Variants in TMPRSS12 observed in about 807,000 individuals in gnomAD.
TMPRSS12 encodes the protein transmembrane serine protease 12.
A neutral mutation model predicts 26.0 loss-of-function variants in TMPRSS12; 25 were observed. That is an observed-to-expected ratio of 0.96 (90% CI 0.70 to 1.34). The LOEUF is 1.34. Ranked by LOEUF, TMPRSS12 falls within the 40% of genes most tolerant of loss-of-function variation. TMPRSS12 has a pLI of 0.00. For missense variants in TMPRSS12, 441 were observed against 440.1 expected (o/e 1.00, Z -0.02); for synonymous variants, 150 against 161.7 (o/e 0.93, Z 0.55).
intron 3 of TMPRSS12, among the ~76,000 whole-genome samples, chr12:50,859,271 A>C (rs1937912829): frequency 6.6e-6 from 1 of 150,410 alleles, no homozygotes; most frequent in Non-Finnish European, 1.5e-5. Context: ...GATGGAGTGC[A>C]GTGGCACGAT....
intron 3 of TMPRSS12, among the ~76,000 whole-genome samples, chr12:50,872,619 A>G (rs546571313): frequency 8.3e-6 from 1 of 120,768 alleles, no homozygotes; most frequent in African/African-American, 3.0e-5. Context: ...TATATGACGT[A>G]TATATGTACA....
chr12:50,858,713 C>A, intron 2 of TMPRSS12, 72 bp from the exon 3 acceptor site: 1 of 1,188,470 alleles, frequency 8.4e-7, no homozygotes, highest in Non-Finnish European at 1.1e-6. Flanking sequence ...GAGAAGAAAA[C>A]TAGTGGGAGA....
intron 2 of TMPRSS12, among the ~76,000 whole-genome samples, chr12:50,844,250 G>T (rs1937747221): frequency 6.6e-6 from 1 of 151,900 alleles, no homozygotes; most frequent in African/African-American, 2.4e-5. Flanking sequence ...GAACGTGCAG[G>T]TTTGTTACAT....
At chr12:50,847,166 C>A (rs1247356080) in intron 2 of TMPRSS12, among the ~76,000 whole-genome samples, 2 of 148,222 alleles carry the variant, frequency 1.3e-5, no homozygotes, top group Non-Finnish European at 3.0e-5. Flanking sequence ...TCAGGCCATT[C>A]TCCTGCCTCA....
intron 3 of TMPRSS12, among the ~76,000 whole-genome samples, chr12:50,876,781 G>C (rs1346155634): frequency 7.8e-6 from 1 of 128,802 alleles, no homozygotes; most frequent in Non-Finnish European, 1.6e-5. Context: ...TCCAGCCTGG[G>C]TGACAGATCA....
chr12:50,876,347 A>G lies in TMPRSS12; in HGVS notation c.653-8899A>G, dbSNP rs139290536. 4.6e-5 allele frequency among the ~76,000 whole-genome samples: 7 copies of G among 152,344 alleles called. No homozygotes were observed. The East Asian group carries it at 1.3e-3, about 29-fold the overall frequency. ...TGGAAAGCAGTTTGGAGATTTCTCA[A>G]AGAACTTAAACCAGAATCACCGCTG... On this transcript the variant is annotated intron_variant, in intron 3 of 4. Transcript: ENST00000398458.
intron 3 of TMPRSS12, among the ~76,000 whole-genome samples, chr12:50,873,989 A>G (rs73294456): frequency 0.043 from 6,608 of 152,268 alleles, 493 homozygotes; most frequent in African/African-American, 0.15. Context: ...TTTTAGTAAT[A>G]GCAATAAATT....
At chr12:50,886,219 T>A (rs1938225042) in intron 4 of TMPRSS12, 1 of 152,242 alleles carries the variant, frequency 6.6e-6, no homozygotes. Context: ...AGATACATAA[T>A]GTACAAAATT....
At chr12:50,879,180 TAA>T (rs1938141210) in intron 3 of TMPRSS12, among the ~76,000 whole-genome samples, 2 of 152,278 alleles carry the variant, frequency 1.3e-5, no homozygotes, top group East Asian at 3.9e-4. Context: ...ATCATAGACC[TAA>T]GTATAAGAGC....
chr12:50,882,040 T>TATATATA (rs1008545004), intron 3 of TMPRSS12, among the ~76,000 whole-genome samples: 14 of 124,300 alleles, frequency 1.1e-4, no homozygotes, highest in African/African-American at 4.3e-4. Context: ...TATATATATA[T>TATATATA]ATGTTTATTT....
intron 3 of TMPRSS12, among the ~76,000 whole-genome samples, chr12:50,862,589 G>C (rs981179899): frequency 6.6e-6 from 1 of 151,840 alleles, no homozygotes; most frequent in Non-Finnish European, 1.5e-5. Flanking sequence ...GTGGTGATGC[G>C]ATCTCAGCTC....
At chr12:50,846,414 T>C (rs1937767987) in intron 2 of TMPRSS12, among the ~76,000 whole-genome samples, 1 of 152,178 alleles carries the variant, frequency 6.6e-6, no homozygotes, top group Admixed American at 6.5e-5. Flanking sequence ...CCCCATTAGA[T>C]GGTATTGGCA....
chr12:50,855,964 C>T (rs148938660), intron 2 of TMPRSS12, among the ~76,000 whole-genome samples: 7 of 152,148 alleles, frequency 4.6e-5, no homozygotes, highest in East Asian at 3.9e-4. Flanking sequence ...AACAGAAAAC[C>T]GAATATTACA....
intron 3 of TMPRSS12, among the ~76,000 whole-genome samples, chr12:50,880,598 C>A (rs146007175): frequency 6.6e-6 from 1 of 152,076 alleles, no homozygotes; most frequent in Non-Finnish European, 1.5e-5. Flanking sequence ...TATGCACTTA[C>A]CCTGTTAAGC....
intron 4 of TMPRSS12, chr12:50,885,642 G>A: frequency 1.7e-6 from 1 of 603,880 alleles, no homozygotes; most frequent in Non-Finnish European, 2.9e-6. Context: ...AATTCACCTA[G>A]TTAAAAGTGT....
intron 2 of TMPRSS12, among the ~76,000 whole-genome samples, chr12:50,852,763 T>C (rs1937838273): frequency 6.6e-6 from 1 of 152,148 alleles, no homozygotes. Flanking sequence ...CATTACATAA[T>C]GATAAAGGGT....
At chr12:50,855,228 T>C (rs974520676) in intron 2 of TMPRSS12, among the ~76,000 whole-genome samples, 5 of 152,124 alleles carry the variant, frequency 3.3e-5, no homozygotes, top group Non-Finnish European at 7.4e-5. Context: ...AAGTGGAACC[T>C]AATAAAACTA....
At chr12:50,885,143 T>C in intron 3 of TMPRSS12, 103 bp from the exon 4 acceptor site, 1 of 997,674 alleles carries the variant, frequency 1.0e-6, no homozygotes, top group Non-Finnish European at 1.5e-6. Flanking sequence ...TTTTACATAA[T>C]TATTGCATCA....
chr12:50,856,290 T>C (rs829133), intron 2 of TMPRSS12, among the ~76,000 whole-genome samples: 56,778 of 151,788 alleles, frequency 0.37, 10,690 homozygotes, highest in Admixed American at 0.43. Context: ...CCTGTTCCCC[T>C]TTCCCCTTAC....
Sources: allele counts gnomAD v4.1 joint callset (sites outside exome capture counted in the v4.1 genomes callset), GRCh38; gene constraint gnomAD v4.1.1; transcripts MANE v1.5; gene names NCBI Gene and HGNC (gene_info 2026-07-23, HGNC 2026-07-21).